MACROD2: variants seen among roughly 807,000 people sequenced by gnomAD.
MACROD2 encodes the protein ADP-ribose glycohydrolase MACROD2.
In MACROD2, 36 loss-of-function variants were observed where a neutral mutation model predicts 70.4. The ratio of observed to expected loss-of-function variants is 0.51; its 90% CI spans 0.39 to 0.68. MACROD2 has a LOEUF of 0.68. Among genes scored for constraint, MACROD2 ranks in the 30% least tolerant of loss-of-function variants. The pLI, the probability that MACROD2 is intolerant of heterozygous loss-of-function variation, is 0.00. For missense variants in MACROD2, 496 were observed against 538.4 expected, an observed-to-expected ratio of 0.92 and a Z score of 0.78; for synonymous variants, 172 against 178.8, an observed-to-expected ratio of 0.96 and a Z score of 0.30.
At chr20:15,585,078 A>G (rs564145126) in intron 8 of MACROD2, among the ~76,000 whole-genome samples, 1 of 152,276 alleles carries the variant, frequency 6.6e-6, no homozygotes, top group South Asian at 2.1e-4. Flanking sequence ...GACACAGTGG[A>G]TGCAGCAGAC....
chr20:14,213,361 C>CA lies in MACROD2; in HGVS notation c.271+127658dup, dbSNP rs60009822. On this transcript the variant is annotated intron_variant, in intron 3 of 17. Coordinates refer to ENST00000684519, the MANE Select transcript of MACROD2 (RefSeq NM_001351661.2). Reference sequence around the variant, plus strand: ...ATAGTTGATTTTGAGCTTCTAGTGGCAAAAAAAAAAAAAAAAAAAAAAAAA... The same window carrying CA: ...ATAGTTGATTTTGAGCTTCTAGTGGCAAAAAAAAAAAAAAAAAAAAAAAAAA... 3.6e-3 allele frequency among the ~76,000 whole-genome samples: 108 copies of CA among 30,252 alleles called. 13 individuals carry two copies. The highest frequency in any genetic ancestry group is 8.8e-3 in the African/African-American group (64 of 7,252). 19.8% of individuals were successfully genotyped at this position (30,252 alleles called of 152,430 possible).
At chr20:14,948,842 T>C (rs1325513742) in intron 5 of MACROD2, among the ~76,000 whole-genome samples, 4 of 152,176 alleles carry the variant, frequency 2.6e-5, no homozygotes, top group Non-Finnish European at 4.4e-5. Flanking sequence ...GAAGCCTGGA[T>C]CATCTGAATC....
chr20:14,995,533 T>C (rs756924184), intron 5 of MACROD2, among the ~76,000 whole-genome samples: 4 of 151,876 alleles, frequency 2.6e-5, no homozygotes, highest in Non-Finnish European at 4.4e-5. Context: ...AAAATAAAAT[T>C]AATAAATAAT....
intron 6 of MACROD2, among the ~76,000 whole-genome samples, chr20:15,318,073 AG>A (rs1393277825): frequency 2.0e-5 from 3 of 152,142 alleles, no homozygotes; most frequent in Non-Finnish European, 2.9e-5. Context: ...TGAAATCAGA[AG>A]AAAACAGAAG....
At chr20:15,877,242 A>G (rs1038274043) in intron 9 of MACROD2, among the ~76,000 whole-genome samples, 1 of 152,048 alleles carries the variant, frequency 6.6e-6, no homozygotes. Context: ...AACTGAACAT[A>G]TCCAAAATTA....
chr20:15,754,282 T>G (rs888212563), intron 8 of MACROD2, among the ~76,000 whole-genome samples: 3 of 152,176 alleles, frequency 2.0e-5, no homozygotes, highest in Non-Finnish European at 4.4e-5. Flanking sequence ...CACGGTTTCT[T>G]TAGGAAAAAA....
At chr20:15,392,522 C>G (rs1260534613) in intron 6 of MACROD2, among the ~76,000 whole-genome samples, 3 of 151,972 alleles carry the variant, frequency 2.0e-5, no homozygotes, top group African/African-American at 7.3e-5. Flanking sequence ...TAATCAGTGT[C>G]ATTTTACCTA....
chr20:15,934,168 T>C (rs1302299225), intron 11 of MACROD2, among the ~76,000 whole-genome samples: 1 of 152,192 alleles, frequency 6.6e-6, no homozygotes, highest in Non-Finnish European at 1.5e-5. Context: ...ATAAGCCCCA[T>C]GGAGGGGCAC....
intron 5 of MACROD2, among the ~76,000 whole-genome samples, chr20:15,112,687 T>C (rs906331918): frequency 1.3e-5 from 2 of 152,194 alleles, no homozygotes; most frequent in Non-Finnish European, 2.9e-5. Context: ...GTGTGCAGTT[T>C]GTGGCATCAA....
chr20:14,932,836 G>T (rs1397887560), intron 5 of MACROD2, among the ~76,000 whole-genome samples: 1 of 152,084 alleles, frequency 6.6e-6, no homozygotes, highest in African/African-American at 2.4e-5. Context: ...AAAGTGCTGG[G>T]ATTACAGGGA....
intron 15 of MACROD2, among the ~76,000 whole-genome samples, chr20:16,002,601 C>G (rs1018876921): frequency 1.3e-5 from 2 of 152,098 alleles, no homozygotes; most frequent in Non-Finnish European, 2.9e-5. Flanking sequence ...GGCGATGAAA[C>G]AAGGAATACA....
chr20:15,222,936 T>C (rs2076874275), intron 5 of MACROD2, among the ~76,000 whole-genome samples: 1 of 152,216 alleles, frequency 6.6e-6, no homozygotes, highest in South Asian at 2.1e-4. Context: ...TATTTTTCAA[T>C]TTACACTTTT....
chr20:15,656,451 T>G (rs552953483), intron 8 of MACROD2, among the ~76,000 whole-genome samples: 27 of 152,222 alleles, frequency 1.8e-4, no homozygotes, highest in Non-Finnish European at 3.8e-4. Flanking sequence ...GAGCTGTATC[T>G]TATTACTAAC....
At chr20:15,882,939 A>G (rs6043594) in intron 9 of MACROD2, among the ~76,000 whole-genome samples, 24,614 of 151,946 alleles carry the variant, frequency 0.16, 2,644 homozygotes, top group East Asian at 0.52. Flanking sequence ...TAGAAGTATC[A>G]ATCCTTCCTC....
chr20:14,656,843 T>C (rs1334300713), intron 4 of MACROD2, among the ~76,000 whole-genome samples: 1 of 152,156 alleles, frequency 6.6e-6, no homozygotes, highest in East Asian at 1.9e-4. Flanking sequence ...TGTCCTCTAT[T>C]TTGGGGGGAG....
chr20:14,516,232 A>G (rs1454557853), intron 4 of MACROD2, among the ~76,000 whole-genome samples: 1 of 151,862 alleles, frequency 6.6e-6, no homozygotes, highest in Non-Finnish European at 1.5e-5. Context: ...TTATCTTTCA[A>G]CATTTAATTT....
At chr20:14,886,903 C>A (rs1219407718) in intron 5 of MACROD2, among the ~76,000 whole-genome samples, 1 of 151,960 alleles carries the variant, frequency 6.6e-6, no homozygotes, top group African/African-American at 2.4e-5. Context: ...GCTAAGAAAC[C>A]CAGGTTCTCA....
chr20:15,099,038 G>A (rs1337570608), intron 5 of MACROD2, among the ~76,000 whole-genome samples: 1 of 152,200 alleles, frequency 6.6e-6, no homozygotes, highest in East Asian at 1.9e-4. Context: ...TATCCTGCCT[G>A]TACTTTAACC....
chr20:15,880,066 G>A (rs1346368171), intron 9 of MACROD2, among the ~76,000 whole-genome samples: 1 of 152,062 alleles, frequency 6.6e-6, no homozygotes, highest in African/African-American at 2.4e-5. Context: ...ACTCACATCA[G>A]GGAGGGCAGT....
Sources: allele counts gnomAD v4.1 joint callset (sites outside exome capture counted in the v4.1 genomes callset), GRCh38; gene constraint gnomAD v4.1.1; transcripts MANE v1.5; gene names NCBI Gene and HGNC (gene_info 2026-07-23, HGNC 2026-07-21).